AGBL4: variants seen among roughly 807,000 people sequenced by gnomAD.
AGBL4 encodes the protein cytosolic carboxypeptidase 6.
A neutral mutation model predicts 66.4 loss-of-function variants in AGBL4; 58 were observed. The observed-to-expected ratio is 0.87, with a 90% CI of 0.71 to 1.09. The LOEUF is 1.09. Ranked by LOEUF, AGBL4 falls within the 50% of genes least tolerant of loss-of-function variation. AGBL4 has a pLI of 0.00. For synonymous variants in AGBL4, 234 were observed against 222.9 expected (o/e 1.05, Z -0.44); for missense variants, 579 against 631.0 (o/e 0.92, Z 0.88).
At chr1:49,633,627 C>G (rs1300591685) in intron 3 of AGBL4, among the ~76,000 whole-genome samples, 1 of 151,990 alleles carries the variant, frequency 6.6e-6, no homozygotes, top group East Asian at 1.9e-4. Flanking sequence ...CCACTGTAAT[C>G]TAGCCTGGGG....
At chr1:48,771,361 T>C (rs1482711536) in intron 6 of AGBL4, among the ~76,000 whole-genome samples, 1 of 152,198 alleles carries the variant, frequency 6.6e-6, no homozygotes, top group Non-Finnish European at 1.5e-5. Flanking sequence ...TAAAAACTGG[T>C]GTGCTCTTGA....
At chr1:49,078,988 T>A (rs1644760552) in intron 4 of AGBL4, among the ~76,000 whole-genome samples, 1 of 123,694 alleles carries the variant, frequency 8.1e-6, no homozygotes, top group African/African-American at 4.0e-5. Context: ...TTCACAGATC[T>A]CTTTCTTACC....
chr1:48,846,139 C>A (rs1169388551), intron 6 of AGBL4, among the ~76,000 whole-genome samples: 4 of 152,070 alleles, frequency 2.6e-5, no homozygotes, highest in Non-Finnish European at 5.9e-5. Context: ...AGAGAGAATT[C>A]AGGCCCAAAA....
chr1:48,693,848 T>G (rs1267528083), intron 6 of AGBL4, among the ~76,000 whole-genome samples: 2 of 151,954 alleles, frequency 1.3e-5, no homozygotes, highest in African/African-American at 4.8e-5. Flanking sequence ...GGCAGCCTGG[T>G]GAAGTGAGCC....
At chr1:49,884,411 A>G (rs769455659) in intron 1 of AGBL4, among the ~76,000 whole-genome samples, 10 of 151,908 alleles carry the variant, frequency 6.6e-5, no homozygotes, top group Non-Finnish European at 1.3e-4. Context: ...AGACACCTGT[A>G]TATTAAAGAA....
rs182654246 is a variant in AGBL4 at position 49,572,391 on chromosome 1, T to C, written c.282+124922A>G. Among the ~76,000 whole-genome samples the C allele has an allele frequency of 2.6e-5, 4 of 152,332 alleles. No homozygotes were observed. The East Asian group carries it at 7.7e-4, about 29-fold the overall frequency. On this transcript the variant is annotated intron_variant, in intron 3 of 13. Coordinates refer to ENST00000371839, the MANE Select transcript of AGBL4 (RefSeq NM_032785.4). ...ATTTATCTAATAATCTTTTGAATGC[T>C]TGTGGTGTCAGTTATAATGTCTTGT...
chr1:49,371,868 T>TGTGTGTGTGTG (rs1644354206), intron 3 of AGBL4, among the ~76,000 whole-genome samples: 1 of 131,344 alleles, frequency 7.6e-6, no homozygotes. Context: ...TGTGTGTGTG[T>TGTGTGTGTGTG]TTAAATAGAC....
intron 3 of AGBL4, among the ~76,000 whole-genome samples, chr1:49,500,523 A>C (rs1648048819): frequency 6.6e-6 from 1 of 151,494 alleles, no homozygotes; most frequent in African/African-American, 2.4e-5. Flanking sequence ...TCTTAGATTT[A>C]AGTTTTTGAC....
In AGBL4 at chr1:49,330,595, T is replaced by C. The variant is rs1645312331; in HGVS notation, c.283-84731A>G. On this transcript the variant is annotated intron_variant, in intron 3 of 13. Coordinates refer to ENST00000371839, the MANE Select transcript of AGBL4 (RefSeq NM_032785.4). ...CACAGTGTTAATTAATTAATCCTAA[T>C]GTTCATAAGGCAGGTCAATATTATG... is the stretch of plus-strand genomic sequence containing the variant. Among the ~76,000 whole-genome samples, 3 of 152,324 alleles carry C rather than the reference T, an allele frequency of 2.0e-5. 1 individual carries two copies. The South Asian group carries it at 6.2e-4, about 32-fold the overall frequency.
intron 6 of AGBL4, among the ~76,000 whole-genome samples, chr1:48,693,375 G>A (rs1291273122): frequency 2.6e-5 from 4 of 152,186 alleles, no homozygotes; most frequent in African/African-American, 7.2e-5. Flanking sequence ...TGCTTAACAC[G>A]GTGGTGGATG....
chr1:48,780,141 T>C lies in AGBL4; in HGVS notation c.634+87050A>G, dbSNP rs1442592834. Among the ~76,000 whole-genome samples the C allele has an allele frequency of 3.9e-5, 6 of 151,986 alleles. No individual in the cohort carries two copies. In the East Asian group the frequency reaches 1.2e-3, roughly 29 times the overall value. On this transcript the variant is annotated intron_variant, in intron 6 of 13. Coordinates refer to ENST00000371839, the MANE Select transcript of AGBL4 (RefSeq NM_032785.4). Reference sequence around the variant, plus strand: ...TTGCTGCACTCATCAACTCATCAACTACATTAGGTATTTCTCCTAATGCTA... The same window carrying C: ...TTGCTGCACTCATCAACTCATCAACCACATTAGGTATTTCTCCTAATGCTA...
intron 6 of AGBL4, among the ~76,000 whole-genome samples, chr1:48,697,362 G>A (rs1646728624): frequency 6.6e-6 from 1 of 151,924 alleles, no homozygotes; most frequent in African/African-American, 2.4e-5. Context: ...GGAAAGGAAG[G>A]GATGTTTATG....
At position 49,937,113 on chromosome 1, in the gene AGBL4, C is replaced by T. The variant is rs562927199; in HGVS notation, c.35-85595G>A. 3.3e-5 allele frequency among the ~76,000 whole-genome samples: 5 copies of T among 152,216 alleles called. No individual in the cohort carries two copies. The South Asian group carries it at 1.0e-3, about 32-fold the overall frequency. On this transcript the variant is annotated intron_variant, in intron 1 of 13. Coordinates refer to ENST00000371839, the MANE Select transcript of AGBL4 (RefSeq NM_032785.4). ...GAAACCCATCTCATGTGCAGAGACACACATAGGCTCAAAATAAAAGGATGG... is the reference window on the plus strand; with the variant it reads ...GAAACCCATCTCATGTGCAGAGACATACATAGGCTCAAAATAAAAGGATGG...
intron 3 of AGBL4, among the ~76,000 whole-genome samples, chr1:49,278,374 G>A (rs368576664): frequency 2.0e-5 from 3 of 152,106 alleles, no homozygotes; most frequent in Non-Finnish European, 2.9e-5. Context: ...AACAAACAGG[G>A]CAGTAAATCT....
At chr1:49,664,001 C>T (rs912438566) in intron 3 of AGBL4, among the ~76,000 whole-genome samples, 1 of 151,908 alleles carries the variant, frequency 6.6e-6, no homozygotes, top group Non-Finnish European at 1.5e-5. Context: ...AGAGTAAAAT[C>T]ATTCAAACAA....
At chr1:48,997,065 G>A (rs1052221471) in intron 5 of AGBL4, among the ~76,000 whole-genome samples, 17 of 152,068 alleles carry the variant, frequency 1.1e-4, no homozygotes, top group Admixed American at 1.3e-4. Context: ...TGTGATTACA[G>A]GTGCCCGCCA....
chr1:48,666,614 C>T (rs1646192542), intron 6 of AGBL4, among the ~76,000 whole-genome samples: 1 of 152,170 alleles, frequency 6.6e-6, no homozygotes, highest in African/African-American at 2.4e-5. Flanking sequence ...TATTGAATAC[C>T]TATTAGATGG....
chr1:49,151,158 G>T (rs1338668453), intron 4 of AGBL4, among the ~76,000 whole-genome samples: 1 of 151,170 alleles, frequency 6.6e-6, no homozygotes, highest in Non-Finnish European at 1.5e-5. Context: ...AGTCCCAGCT[G>T]CTGTGAAGGC....
At chr1:49,879,690 G>A (rs1045582756) in intron 1 of AGBL4, among the ~76,000 whole-genome samples, 1 of 134,226 alleles carries the variant, frequency 7.5e-6, no homozygotes, top group Non-Finnish European at 1.6e-5. Context: ...TGTATTTCCT[G>A]AATCTGAACG....
Sources: gnomAD v4.1 joint callset for allele counts (sites outside exome capture counted in the v4.1 genomes callset) on GRCh38, gnomAD v4.1.1 for gene constraint, MANE v1.5 for transcripts, NCBI Gene and HGNC (gene_info 2026-07-23, HGNC 2026-07-21) for gene names.